Variants in IGF2BP3 observed in about 807,000 individuals in gnomAD.
IGF2BP3 encodes the protein insulin like growth factor 2 mRNA binding protein 3.
In IGF2BP3, 9 loss-of-function variants were observed where a neutral mutation model predicts 73.8. That is an observed-to-expected ratio of 0.12 (90% CI 0.07 to 0.21). IGF2BP3 has a LOEUF of 0.21. IGF2BP3 is among the 10% of genes least tolerant of loss of function. The probability of loss-of-function intolerance (pLI) is 1.00; values close to 1 mark genes in which losing one functional copy is unlikely to be tolerated. For missense variants in IGF2BP3, 542 were observed against 714.0 expected (o/e 0.76, Z 2.75); for synonymous variants, 258 against 256.7 (o/e 1.01, Z -0.05).
intron 3 of IGF2BP3, among the ~76,000 whole-genome samples, chr7:23,385,739 T>A (rs906315425): frequency 2.8e-4 from 43 of 152,090 alleles, no homozygotes; most frequent in Middle Eastern, 6.8e-3. Context: ...TTTTATTATT[T>A]TTTTTTTTAG....
At chr7:23,367,664 T>C (rs959227991) in intron 3 of IGF2BP3, among the ~76,000 whole-genome samples, 1 of 152,016 alleles carries the variant, frequency 6.6e-6, no homozygotes, top group African/African-American at 2.4e-5. Context: ...GTTATGTATT[T>C]AGGACGTGAA....
chr7:23,369,906 C>G (rs1785493791), intron 3 of IGF2BP3, among the ~76,000 whole-genome samples: 1 of 152,164 alleles, frequency 6.6e-6, no homozygotes, highest in Non-Finnish European at 1.5e-5. Context: ...TGCATACCCA[C>G]TGCTCAAGTC....
intron 2 of IGF2BP3, among the ~76,000 whole-genome samples, chr7:23,438,064 T>C (rs899143438): frequency 5.3e-5 from 8 of 152,222 alleles, no homozygotes; most frequent in Non-Finnish European, 8.8e-5. Context: ...TTCAATATAA[T>C]AACAACATGA....
At chr7:23,413,913 G>C (rs571937924) in intron 3 of IGF2BP3, 1 of 152,212 alleles carries the variant, frequency 6.6e-6, no homozygotes. Flanking sequence ...AGCACTGTGG[G>C]AGGCCAAGGC....
At chr7:23,325,174 C>G (rs1481305199) in intron 10 of IGF2BP3, among the ~76,000 whole-genome samples, 1 of 152,118 alleles carries the variant, frequency 6.6e-6, no homozygotes, top group Non-Finnish European at 1.5e-5. Flanking sequence ...TAGAAAGCCC[C>G]ATTGTCTCAG....
rs1411199608 is a variant in IGF2BP3 at position 23,457,119 on chromosome 7, C to A, written c.236+11363G>T. On this transcript the variant is annotated intron_variant, in intron 2 of 14. Transcript: ENST00000258729. ...TCAGAGAGCTTTCAAATTTAAATGTCCACATCTTTTGACATAACAATTCCC... is the reference window on the plus strand; with the variant it reads ...TCAGAGAGCTTTCAAATTTAAATGTACACATCTTTTGACATAACAATTCCC... 2.0e-5 allele frequency among the ~76,000 whole-genome samples: 3 copies of A among 151,952 alleles called. No individual in the cohort carries two copies. In the East Asian group the frequency reaches 5.8e-4, roughly 29 times the overall value.
intron 2 of IGF2BP3, among the ~76,000 whole-genome samples, chr7:23,451,438 A>T (rs905857276): frequency 6.6e-6 from 1 of 151,958 alleles, no homozygotes; most frequent in Middle Eastern, 3.2e-3. Flanking sequence ...TTTTATTTAA[A>T]ATTTTATGAT....
intron 3 of IGF2BP3, among the ~76,000 whole-genome samples, chr7:23,410,978 C>T (rs1042412622): frequency 6.6e-6 from 1 of 152,134 alleles, no homozygotes; most frequent in African/African-American, 2.4e-5. Flanking sequence ...TAATTCAGTA[C>T]CCGGCACATA....
intron 10 of IGF2BP3, among the ~76,000 whole-genome samples, chr7:23,332,742 A>G (rs986515769): frequency 6.6e-6 from 1 of 152,134 alleles, no homozygotes; most frequent in Non-Finnish European, 1.5e-5. Flanking sequence ...GGCCTTTTTT[A>G]TTTTATAACT....
At chr7:23,467,474 C>G (rs899277718) in intron 2 of IGF2BP3, among the ~76,000 whole-genome samples, 1 of 152,306 alleles carries the variant, frequency 6.6e-6, no homozygotes, top group Middle Eastern at 3.4e-3. Context: ...AACCCTAACC[C>G]CACCATGCAA....
At chr7:23,373,594 C>T (rs575610507) in intron 3 of IGF2BP3, among the ~76,000 whole-genome samples, 9 of 152,274 alleles carry the variant, frequency 5.9e-5, no homozygotes, top group African/African-American at 2.2e-4. Context: ...AACCCTCATA[C>T]ATTGCTGGAT....
rs745764463 is a variant in IGF2BP3 at position 23,469,963 on chromosome 7, C to T, written c.148G>A (p.Ala50Thr). Residue 50 changes from alanine (A) to threonine (T), a missense_variant, in exon 1 of 15, where the codon GCC becomes ACC. Ala to Thr is a moderately conservative substitution (Grantham distance 58). Coordinates refer to ENST00000258729, the MANE Select transcript of IGF2BP3 (RefSeq NM_006547.3). This position sits in a 1 kb window ranked among gnomAD's most constrained non-coding sequence, Gnocchi z 6.1. ...GAAAGCGCCTCGATGGCCTTGAGGG[C>T]CCAGCTCTCGTCCGGGCAGTCCACG... is the stretch of plus-strand genomic sequence containing the variant. The part of the protein sequence containing the change: ...AFVDCPDESW[A>T]LKAIEALSGK... 2 of 1,611,614 alleles carry T rather than the reference C, an allele frequency of 1.2e-6. No homozygotes were observed. The highest frequency in any genetic ancestry group is 1.7e-6 in the Non-Finnish European group (2 of 1,179,390).
intron 2 of IGF2BP3, among the ~76,000 whole-genome samples, chr7:23,421,402 G>A (rs1787341199): frequency 6.6e-6 from 1 of 151,994 alleles, no homozygotes. Context: ...TCAATTAAAA[G>A]AAAGTTGCGG....
At chr7:23,377,498 G>A (rs1195859356) in intron 3 of IGF2BP3, among the ~76,000 whole-genome samples, 1 of 152,218 alleles carries the variant, frequency 6.6e-6, no homozygotes, top group Non-Finnish European at 1.5e-5. Context: ...AAAGGATATA[G>A]GGAAACTGGA....
intron 3 of IGF2BP3, among the ~76,000 whole-genome samples, chr7:23,407,955 G>T (rs1290861583): frequency 2.9e-4 from 7 of 24,370 alleles, no homozygotes; most frequent in Admixed American, 2.0e-3. Flanking sequence ...GCAGGGGGCG[G>T]GGGGCGGGGG....
At chr7:23,349,539 C>G (rs1278809944) in intron 6 of IGF2BP3, among the ~76,000 whole-genome samples, 1 of 152,156 alleles carries the variant, frequency 6.6e-6, no homozygotes, top group African/African-American at 2.4e-5. Flanking sequence ...AGTTTATTTT[C>G]ACCCTTTCAC....
At chr7:23,316,541 G>A (rs1269162302) in intron 12 of IGF2BP3, among the ~76,000 whole-genome samples, 8 of 151,990 alleles carry the variant, frequency 5.3e-5, no homozygotes, top group Non-Finnish European at 7.4e-5. Flanking sequence ...TGGGCGTGGC[G>A]GCACATGCCT....
At chr7:23,383,223 G>A (rs1232206499) in intron 3 of IGF2BP3, among the ~76,000 whole-genome samples, 1 of 152,168 alleles carries the variant, frequency 6.6e-6, no homozygotes, top group African/African-American at 2.4e-5. Flanking sequence ...GTAGGCTGAT[G>A]GATTTAGATG....
At position 23,381,577 on chromosome 7, in the gene IGF2BP3, AT is replaced by A. The variant is rs531061778; in HGVS notation, c.286-19837del. Among the ~76,000 whole-genome samples the A allele has an allele frequency of 2.0e-3, 298 of 150,450 alleles. 2 individuals carry two copies. The highest frequency in any genetic ancestry group is 5.4e-3 in the African/African-American group (222 of 41,112). Reference sequence around the variant, plus strand: ...TTTTAAAATTTTAAGTTAAATTTTAATTTTTTTTTTAGATGGAGTCTCACTG... The same window carrying A: ...TTTTAAAATTTTAAGTTAAATTTTAATTTTTTTTTAGATGGAGTCTCACTG... On this transcript the variant is annotated intron_variant, in intron 3 of 14. Transcript: ENST00000258729.
Sources: allele counts gnomAD v4.1 joint callset (sites outside exome capture counted in the v4.1 genomes callset), GRCh38; gene constraint gnomAD v4.1.1; non-coding constraint Gnocchi (gnomAD v3.1); transcripts MANE v1.5; gene names NCBI Gene and HGNC (gene_info 2026-07-23, HGNC 2026-07-21).